PPP1R12A: variants seen among roughly 807,000 people sequenced by gnomAD.
PPP1R12A encodes the protein myosin binding subunit.
A neutral mutation model predicts 139.6 loss-of-function variants in PPP1R12A; 19 were observed. The observed-to-expected ratio is 0.14, with a 90% CI of 0.09 to 0.20. The LOEUF is 0.20. Among genes scored for constraint, PPP1R12A ranks in the 10% least tolerant of loss-of-function variants. The probability of loss-of-function intolerance (pLI) is 1.00; values close to 1 mark genes in which losing one functional copy is unlikely to be tolerated. For synonymous variants in PPP1R12A, 427 were observed against 420.6 expected (o/e 1.02, Z -0.19); for missense variants, 925 against 1,211.5 (o/e 0.76, Z 3.51).
intron 3 of PPP1R12A, among the ~76,000 whole-genome samples, chr12:79,833,101 T>C (rs760558081): frequency 6.6e-6 from 1 of 152,004 alleles, no homozygotes; most frequent in African/African-American, 2.4e-5. Flanking sequence ...CTACCCTAGG[T>C]TGAGGTGATA....
chr12:79,888,128 T>C (rs1884270040), intron 1 of PPP1R12A, among the ~76,000 whole-genome samples: 1 of 152,148 alleles, frequency 6.6e-6, no homozygotes, highest in South Asian at 2.1e-4. Flanking sequence ...AGGAATACAA[T>C]GGTGAAGTAT....
chr12:79,852,647 T>C (rs554382506), intron 2 of PPP1R12A, among the ~76,000 whole-genome samples: 80 of 152,246 alleles, frequency 5.3e-4, no homozygotes, highest in Admixed American at 5.9e-4. Context: ...GGGGTAGATG[T>C]TCAGGTTCCC....
At chr12:79,891,862 G>A (rs1884675470) in intron 1 of PPP1R12A, among the ~76,000 whole-genome samples, 1 of 152,148 alleles carries the variant, frequency 6.6e-6, no homozygotes, top group Non-Finnish European at 1.5e-5. Flanking sequence ...TAACATAAGT[G>A]AACTTGGAAG....
chr12:79,886,151 A>G (rs1339364831), intron 1 of PPP1R12A, among the ~76,000 whole-genome samples: 6 of 152,170 alleles, frequency 3.9e-5, no homozygotes, highest in Non-Finnish European at 5.9e-5. Flanking sequence ...CTGTCCAAGC[A>G]ATGTTTTTGT....
At chr12:79,841,084 G>C (rs1376090090) in intron 3 of PPP1R12A, among the ~76,000 whole-genome samples, 1 of 150,468 alleles carries the variant, frequency 6.6e-6, no homozygotes, top group Admixed American at 6.6e-5. Context: ...GAGAGAGAGA[G>C]ACAAGGTCTC....
At chr12:79,823,299 T>C (rs1343560777) in intron 5 of PPP1R12A, among the ~76,000 whole-genome samples, 2 of 152,138 alleles carry the variant, frequency 1.3e-5, no homozygotes, top group Non-Finnish European at 2.9e-5. Flanking sequence ...AAAAAAAGTT[T>C]TTAGCAACAA....
chr12:79,822,285 G>T, intron 5 of PPP1R12A, 95 bp from the exon 6 acceptor site: 4 of 845,142 alleles, frequency 4.7e-6, no homozygotes, highest in Non-Finnish European at 7.3e-6. Context: ...AAAGACGTTG[G>T]ATAACATTTT....
chr12:79,917,930 T>C (rs748299308), intron 1 of PPP1R12A, among the ~76,000 whole-genome samples: 20 of 152,160 alleles, frequency 1.3e-4, no homozygotes, highest in Non-Finnish European at 2.5e-4. Context: ...TTTATTTTCA[T>C]AGCATACTAT....
At chr12:79,806,579 A>G (rs1873864648) in intron 12 of PPP1R12A, among the ~76,000 whole-genome samples, 3 of 152,176 alleles carry the variant, frequency 2.0e-5, no homozygotes, top group African/African-American at 4.8e-5. Flanking sequence ...AGATGATCTG[A>G]TATTTCATAT....
At chr12:79,905,339 G>GCCCCCCCC (rs57598900) in intron 1 of PPP1R12A, among the ~76,000 whole-genome samples, 1 of 106,048 alleles carries the variant, frequency 9.4e-6, no homozygotes, top group Non-Finnish European at 2.0e-5. Context: ...TTGTTTTGCC[G>GCCCCCCCC]CCCCCCCCCA....
In PPP1R12A at chr12:79,774,643, A is replaced by T. The variant is rs1869548273; in HGVS notation, c.*1286T>A. On this transcript the variant is annotated 3_prime_UTR_variant, in exon 25 of 25. Coordinates refer to ENST00000450142, the MANE Select transcript of PPP1R12A (RefSeq NM_002480.3). ...TGCGCTTTTTTTTCCTTAAAAAAAA[A>T]AAAAGGCCACTGAAATGTATAAAAT... is the stretch of plus-strand genomic sequence containing the variant. The T allele has an allele frequency of 6.6e-6, 1 of 152,242 alleles. No individual in the cohort carries two copies. Among genetic ancestry groups the T allele is most frequent in the Admixed American group, 6.6e-5 (1 of 15,264 alleles). 9.4% of individuals were successfully genotyped at this position (152,242 alleles called of 1,614,324 possible). A position where few individuals can be genotyped will look rare whatever the true frequency, so the allele number is the denominator to read the frequency against.
rs765577111 is a variant in PPP1R12A at position 79,820,645 on chromosome 12, A to G, written c.1114+129T>C. 5.8e-6 allele frequency: 5 copies of G among 864,696 alleles called. No homozygotes were observed. The Admixed American group carries it at 7.7e-5, about 13-fold the overall frequency. The allele number at this position is 864,696 out of a possible 1,614,324, so 53.6% of individuals were successfully genotyped here. On this transcript the variant is annotated intron_variant, in intron 8 of 24. Transcript: ENST00000450142. ...AGTTTCTAGCATTCACTGAAAGATA[A>G]TTTAGTAGTGTGGCAGGTATCTAAA...
chr12:79,843,561 G>A (rs751417638), intron 3 of PPP1R12A, among the ~76,000 whole-genome samples: 1 of 151,162 alleles, frequency 6.6e-6, no homozygotes, highest in Non-Finnish European at 1.5e-5. Flanking sequence ...CCCAGATTGC[G>A]CCACTGCACT....
intron 6 of PPP1R12A, among the ~76,000 whole-genome samples, chr12:79,821,633 G>T (rs554050169): frequency 6.6e-6 from 1 of 151,844 alleles, no homozygotes; most frequent in African/African-American, 2.4e-5. Context: ...TGTACCTGTA[G>T]TCCGAGCTAC....
rs113981717 is a variant in PPP1R12A at position 79,915,457 on chromosome 12, T to A, written c.237+19238A>T. 9.3e-3 allele frequency among the ~76,000 whole-genome samples: 1,415 copies of A among 152,192 alleles called. 28 individuals are homozygous for A. Among genetic ancestry groups the A allele is most frequent in the African/African-American group, 0.033 (1,362 of 41,538 alleles). On this transcript the variant is annotated intron_variant, in intron 1 of 24. Coordinates refer to ENST00000450142, the MANE Select transcript of PPP1R12A (RefSeq NM_002480.3). ...TACAATGCAGAATAGATTTTTTTTT[T>A]AAATCTAGGCTTAACACTATTTTTG... is the stretch of plus-strand genomic sequence containing the variant.
chr12:79,809,845 G>A lies in PPP1R12A; in HGVS notation c.1405C>T (p.Arg469Cys), dbSNP rs1874310694. 2.5e-6 allele frequency: 4 copies of A among 1,613,438 alleles called. No homozygotes were observed. The highest frequency in any genetic ancestry group is 3.4e-6 in the Non-Finnish European group (4 of 1,179,638). The change falls in exon 10 of 25, where the codon CGT becomes TGT. Residue 469 changes from arginine (R) to cysteine (C), a missense_variant. By Grantham distance (180) the Arg-to-Cys change is radical. Transcript: ENST00000450142. ...QKEKDTAGVT[R>C]SASSPRLSSS... ...GAAAGTCTGGGACTTGAAGCTGAACGTGTAACACCTGCAGTATCTTTTTCT... is the reference window on the plus strand; with the variant it reads ...GAAAGTCTGGGACTTGAAGCTGAACATGTAACACCTGCAGTATCTTTTTCT...
intron 1 of PPP1R12A, among the ~76,000 whole-genome samples, chr12:79,916,065 A>G (rs1592827126): frequency 1.4e-5 from 2 of 143,314 alleles, no homozygotes; most frequent in East Asian, 4.4e-4. Context: ...AGTGTTCAAC[A>G]CAGTCTCTTC....
At chr12:79,839,641 TA>T (rs1156911947) in intron 3 of PPP1R12A, among the ~76,000 whole-genome samples, 1 of 152,100 alleles carries the variant, frequency 6.6e-6, no homozygotes, top group Non-Finnish European at 1.5e-5. Context: ...CTGACGGTTT[TA>T]AAAGGGTCTT....
At chr12:79,916,267 T>C (rs1048752621) in intron 1 of PPP1R12A, among the ~76,000 whole-genome samples, 41 of 152,202 alleles carry the variant, frequency 2.7e-4, no homozygotes, top group Non-Finnish European at 5.4e-4. Context: ...TTCTGGTTTA[T>C]AAATTTTAAA....
Sources: gnomAD v4.1 joint callset for allele counts (sites outside exome capture counted in the v4.1 genomes callset) on GRCh38, gnomAD v4.1.1 for gene constraint, MANE v1.5 for transcripts, NCBI Gene and HGNC (gene_info 2026-07-23, HGNC 2026-07-21) for gene names.